Variants in PRKG1 observed in about 807,000 individuals in gnomAD.
The protein encoded by PRKG1 is protein kinase cGMP-dependent 1.
In PRKG1, 35 loss-of-function variants were observed where a neutral mutation model predicts 88.1. That is an observed-to-expected ratio of 0.40 (90% CI 0.30 to 0.53). The LOEUF is 0.53. PRKG1 is among the 20% of genes least tolerant of loss of function. The pLI is 0.59. For synonymous variants in PRKG1, 303 were observed against 292.5 expected (o/e 1.04, Z -0.37); for missense variants, 540 against 839.8 (o/e 0.64, Z 4.41).
At chr10:51,951,684 A>C (rs1564724972) in intron 5 of PRKG1, among the ~76,000 whole-genome samples, 3 of 75,940 alleles carry the variant, frequency 4.0e-5, no homozygotes, top group Non-Finnish European at 9.6e-5. Context: ...GGAGACAGAA[A>C]GGAAAAAAAA....
At chr10:51,544,055 G>A (rs750972809) in intron 3 of PRKG1, among the ~76,000 whole-genome samples, 3 of 151,926 alleles carry the variant, frequency 2.0e-5, no homozygotes, top group East Asian at 3.9e-4. Context: ...TCAACATTTT[G>A]GTTTTTTTTA....
At chr10:52,112,803 G>A (rs564704451) in intron 7 of PRKG1, among the ~76,000 whole-genome samples, 2 of 152,252 alleles carry the variant, frequency 1.3e-5, no homozygotes, top group Non-Finnish European at 2.9e-5. Context: ...GATTATCAAA[G>A]GCTCACCTGA....
At chr10:51,213,757 AGTGT>A (rs140087653) in intron 2 of PRKG1, among the ~76,000 whole-genome samples, 5,122 of 152,110 alleles carry the variant, frequency 0.034, 279 homozygotes, top group African/African-American at 0.11. Flanking sequence ...CATTTTATGA[AGTGT>A]GTGGGTGTGT....
intron 9 of PRKG1, among the ~76,000 whole-genome samples, chr10:52,229,878 C>T (rs1355145808): frequency 3.3e-5 from 5 of 152,150 alleles, no homozygotes; most frequent in African/African-American, 2.4e-5. Flanking sequence ...GGAGCCTTCA[C>T]CTACCCTTCT....
chr10:51,440,731 C>T (rs1233683918), intron 2 of PRKG1, among the ~76,000 whole-genome samples: 1 of 151,818 alleles, frequency 6.6e-6, no homozygotes, highest in Non-Finnish European at 1.5e-5. Context: ...GTTTGTCAAT[C>T]CAATGCTTCC....
intron 2 of PRKG1, among the ~76,000 whole-genome samples, chr10:51,421,917 A>G (rs771767544): frequency 3.9e-5 from 6 of 152,196 alleles, no homozygotes; most frequent in Non-Finnish European, 5.9e-5. Flanking sequence ...TCTGAATCTT[A>G]GTTTTCCACA....
At chr10:51,173,612 A>G (rs577511398) in intron 2 of PRKG1, among the ~76,000 whole-genome samples, 39 of 152,038 alleles carry the variant, frequency 2.6e-4, no homozygotes, top group African/African-American at 7.7e-4. Context: ...TTGAATAGAA[A>G]TGTTTAGCTT....
chr10:51,751,463 A>G (rs1479514764), intron 3 of PRKG1, among the ~76,000 whole-genome samples: 1 of 152,126 alleles, frequency 6.6e-6, no homozygotes, highest in Non-Finnish European at 1.5e-5. Flanking sequence ...CCTGGCCTCA[A>G]GTTATCCGCC....
intron 1 of PRKG1, among the ~76,000 whole-genome samples, chr10:51,038,672 T>A (rs1564578165): frequency 6.6e-6 from 1 of 152,212 alleles, no homozygotes; most frequent in Non-Finnish European, 1.5e-5. Flanking sequence ...TTGCTCTTTT[T>A]TATGGCTGAA....
chr10:52,149,826 G>A (rs1245381637), intron 8 of PRKG1, among the ~76,000 whole-genome samples: 1 of 149,812 alleles, frequency 6.7e-6, no homozygotes, highest in Non-Finnish European at 1.5e-5. Context: ...AGAAAGAGGT[G>A]ACCTATTGAA....
chr10:52,227,122 A>T (rs1027404355), intron 9 of PRKG1, among the ~76,000 whole-genome samples: 1 of 152,150 alleles, frequency 6.6e-6, no homozygotes, highest in African/African-American at 2.4e-5. Flanking sequence ...GCAAGACAGT[A>T]TATGAAAGCA....
chr10:51,293,238 CTT>C (rs535957806), intron 2 of PRKG1, among the ~76,000 whole-genome samples: 299 of 152,160 alleles, frequency 2.0e-3, no homozygotes, highest in Non-Finnish European at 3.2e-3. Context: ...ATTCTACACT[CTT>C]AACATATATC....
chr10:51,605,209 C>T (rs1278270821), intron 3 of PRKG1, among the ~76,000 whole-genome samples: 1 of 152,148 alleles, frequency 6.6e-6, no homozygotes, highest in Non-Finnish European at 1.5e-5. Flanking sequence ...TGTCTGTGTC[C>T]TCTTAAGATC....
chr10:51,234,799 G>GA (rs1011421049), intron 2 of PRKG1, among the ~76,000 whole-genome samples: 119 of 150,984 alleles, frequency 7.9e-4, no homozygotes, highest in African/African-American at 2.5e-3. Flanking sequence ...GAATGGAAAA[G>GA]AAAAAAAATA....
chr10:52,254,013 C>G (rs1841249085), intron 10 of PRKG1, among the ~76,000 whole-genome samples: 1 of 151,968 alleles, frequency 6.6e-6, no homozygotes, highest in South Asian at 2.1e-4. Context: ...TTTCCCAATT[C>G]TTGCCACTTA....
chr10:51,493,296 G>A (rs61120148), intron 3 of PRKG1, among the ~76,000 whole-genome samples: 2,623 of 152,188 alleles, frequency 0.017, 53 homozygotes, highest in African/African-American at 0.044. Flanking sequence ...CATGGATTTT[G>A]ACCAATTTCC....
At chr10:51,678,888 G>A (rs1840775676) in intron 3 of PRKG1, among the ~76,000 whole-genome samples, 2 of 152,084 alleles carry the variant, frequency 1.3e-5, no homozygotes, top group Admixed American at 1.3e-4. Context: ...TTATTATCTT[G>A]GGATATAATA....
At chr10:51,183,188 C>G (rs1029568304) in intron 2 of PRKG1, among the ~76,000 whole-genome samples, 4 of 152,090 alleles carry the variant, frequency 2.6e-5, no homozygotes, top group Non-Finnish European at 4.4e-5. Context: ...AATTATCCTG[C>G]TTTGTATGTA....
intron 9 of PRKG1, among the ~76,000 whole-genome samples, chr10:52,187,970 A>C (rs1161635994): frequency 3.9e-5 from 6 of 152,098 alleles, no homozygotes; most frequent in African/African-American, 1.4e-4. Flanking sequence ...TCTCAAGGAG[A>C]ATAATAAATT....
Sources: allele counts gnomAD v4.1 joint callset (sites outside exome capture counted in the v4.1 genomes callset), GRCh38; gene constraint gnomAD v4.1.1; transcripts MANE v1.5; gene names NCBI Gene and HGNC (gene_info 2026-07-23, HGNC 2026-07-21).